Variants in AGBL4 observed in about 807,000 individuals in gnomAD.
AGBL4 encodes the protein cytosolic carboxypeptidase 6.
AGBL4 carries 58 observed loss-of-function variants against 66.4 expected under a neutral mutation model. The ratio of observed to expected loss-of-function variants is 0.87; its 90% CI spans 0.71 to 1.09. The LOEUF is 1.09. AGBL4 is among the 50% of genes least tolerant of loss of function. The pLI, the probability that AGBL4 is intolerant of heterozygous loss-of-function variation, is 0.00. For synonymous variants in AGBL4, 234 were observed against 222.9 expected (o/e 1.05, Z -0.44); for missense variants, 579 against 631.0 (o/e 0.92, Z 0.88).
At chr1:49,348,466 GA>G (rs1214879164) in intron 3 of AGBL4, among the ~76,000 whole-genome samples, 3 of 152,006 alleles carry the variant, frequency 2.0e-5, no homozygotes, top group Non-Finnish European at 2.9e-5. Context: ...ACGGAAATTA[GA>G]AAGCCAGAAG....
chr1:49,730,056 A>G lies in AGBL4; in HGVS notation c.158-32619T>C, dbSNP rs116684856. ...AACGCTGCCTCTTTCAAGGTTACCTACAGCTGGGGCCTCCTGATTCCAAAC... is the reference window on the plus strand; with the variant it reads ...AACGCTGCCTCTTTCAAGGTTACCTGCAGCTGGGGCCTCCTGATTCCAAAC... On this transcript the variant is annotated intron_variant, in intron 2 of 13. Coordinates refer to ENST00000371839, the MANE Select transcript of AGBL4 (RefSeq NM_032785.4). Among the ~76,000 whole-genome samples, 1,225 of 152,210 alleles carry G rather than the reference A, an allele frequency of 8.0e-3. 9 individuals carry two copies. Among genetic ancestry groups the G allele is most frequent in the Middle Eastern group, 0.031 (9 of 294 alleles).
chr1:49,465,529 T>G (rs911829105), intron 3 of AGBL4, among the ~76,000 whole-genome samples: 3 of 151,760 alleles, frequency 2.0e-5, no homozygotes, highest in African/African-American at 7.3e-5. Context: ...CTTTTATATA[T>G]CCCCAGTGCC....
intron 1 of AGBL4, among the ~76,000 whole-genome samples, chr1:49,957,657 T>C (rs901659568): frequency 4.6e-5 from 7 of 152,080 alleles, no homozygotes; most frequent in African/African-American, 1.7e-4. Flanking sequence ...TTAAAGTCTG[T>C]TTTATCAGAG....
intron 6 of AGBL4, among the ~76,000 whole-genome samples, chr1:48,735,808 C>T (rs1417065478): frequency 6.6e-6 from 1 of 151,996 alleles, no homozygotes; most frequent in African/African-American, 2.4e-5. Context: ...GCATTCCTTT[C>T]CCATCTCCAT....
chr1:48,727,705 C>T, intron 6 of AGBL4: 1 of 439,760 alleles, frequency 2.3e-6, no homozygotes, highest in Non-Finnish European at 3.9e-6. Context: ...TCCTGAGTCT[C>T]AGCAAAGCCA....
rs146716799 is a variant in AGBL4 at position 48,840,300 on chromosome 1, C to T, written c.634+26891G>A. Among the ~76,000 whole-genome samples, 23 of 152,218 alleles carry T rather than the reference C, an allele frequency of 1.5e-4. No homozygotes were observed. In the East Asian group the frequency reaches 4.1e-3, roughly 27 times the overall value. ...CAGAGATACCTCTGTGTGCCCGGTG[C>T]CTGACACAGAAGCTGGCATACAGTA... is the stretch of plus-strand genomic sequence containing the variant. On this transcript the variant is annotated intron_variant, in intron 6 of 13. Coordinates refer to ENST00000371839, the MANE Select transcript of AGBL4 (RefSeq NM_032785.4).
chr1:49,901,171 A>G (rs1571835381), intron 1 of AGBL4, among the ~76,000 whole-genome samples: 1 of 152,216 alleles, frequency 6.6e-6, no homozygotes, highest in East Asian at 1.9e-4. Flanking sequence ...TATTCACCAT[A>G]GTACTGGAAT....
At chr1:49,646,428 C>T (rs994231934) in intron 3 of AGBL4, among the ~76,000 whole-genome samples, 6 of 151,616 alleles carry the variant, frequency 4.0e-5, no homozygotes, top group Non-Finnish European at 8.9e-5. Context: ...TTAAAAAATG[C>T]CTATTACAAT....
intron 3 of AGBL4, among the ~76,000 whole-genome samples, chr1:49,503,528 G>A (rs1426117877): frequency 2.0e-5 from 3 of 152,112 alleles, no homozygotes; most frequent in Non-Finnish European, 4.4e-5. Flanking sequence ...AAAGCCACAG[G>A]TACTCAACAC....
chr1:49,693,404 T>C (rs939470732), intron 3 of AGBL4, among the ~76,000 whole-genome samples: 3 of 152,162 alleles, frequency 2.0e-5, no homozygotes, highest in Admixed American at 6.6e-5. Flanking sequence ...GCTATTAATA[T>C]TTTATAGCCA....
At chr1:49,207,582 C>CTTTCTT (rs1648320591) in intron 4 of AGBL4, among the ~76,000 whole-genome samples, 2 of 108,676 alleles carry the variant, frequency 1.8e-5, no homozygotes, top group African/African-American at 7.3e-5. Flanking sequence ...TTCTTTCTTT[C>CTTTCTT]TTTCTTTCTT....
chr1:48,893,291 C>G (rs1451565062), intron 5 of AGBL4, among the ~76,000 whole-genome samples: 2 of 152,020 alleles, frequency 1.3e-5, no homozygotes, highest in Non-Finnish European at 2.9e-5. Context: ...GTGTTGAACT[C>G]CTACCCTGCA....
intron 5 of AGBL4, among the ~76,000 whole-genome samples, chr1:49,006,793 C>G (rs61786052): frequency 0.06 from 5,810 of 96,452 alleles, no homozygotes; most frequent in Non-Finnish European, 0.08. Context: ...GCAGAGTATT[C>G]CAACAGACCT....
chr1:49,804,090 G>C (rs910605945), intron 2 of AGBL4, among the ~76,000 whole-genome samples: 1 of 152,132 alleles, frequency 6.6e-6, no homozygotes, highest in Non-Finnish European at 1.5e-5. Flanking sequence ...AAATGTGGCT[G>C]TTACAGCTTC....
chr1:48,665,188 A>T (rs1263108972), intron 6 of AGBL4, among the ~76,000 whole-genome samples: 1 of 152,196 alleles, frequency 6.6e-6, no homozygotes, highest in Non-Finnish European at 1.5e-5. Flanking sequence ...TTGAGAACTC[A>T]CTCTGCTCAG....
rs948339357 is a variant in AGBL4 at position 49,534,068 on chromosome 1, A to G, written c.282+163245T>C. Among the ~76,000 whole-genome samples the G allele has an allele frequency of 2.1e-5, 3 of 145,668 alleles. No individual in the cohort carries two copies. In the South Asian group the frequency reaches 6.4e-4, roughly 31 times the overall value. Reference sequence around the variant, plus strand: ...AAGTATAACCACCAATTGAATAAACATTTCTTGGACATCAACTAAAAAGCA... The same window carrying G: ...AAGTATAACCACCAATTGAATAAACGTTTCTTGGACATCAACTAAAAAGCA... On this transcript the variant is annotated intron_variant, in intron 3 of 13. Transcript: ENST00000371839.
chr1:49,186,061 T>C (rs1437363102), intron 4 of AGBL4, among the ~76,000 whole-genome samples: 5 of 152,040 alleles, frequency 3.3e-5, no homozygotes, highest in African/African-American at 1.2e-4. Flanking sequence ...AGTTCCCCGA[T>C]GCTCCACACC....
intron 3 of AGBL4, among the ~76,000 whole-genome samples, chr1:49,576,005 T>A (rs989226402): frequency 2.0e-5 from 3 of 152,218 alleles, no homozygotes; most frequent in Non-Finnish European, 2.9e-5. Context: ...GACATTTGCA[T>A]ACCAAATGAT....
intron 4 of AGBL4, chr1:49,187,654 C>T (rs974862250): frequency 6.6e-6 from 1 of 152,120 alleles, no homozygotes; most frequent in Admixed American, 6.6e-5. Flanking sequence ...GGATCCAAAA[C>T]ATTCTTCAGA....
Sources: allele counts gnomAD v4.1 joint callset (sites outside exome capture counted in the v4.1 genomes callset), GRCh38; gene constraint gnomAD v4.1.1; transcripts MANE v1.5; gene names NCBI Gene and HGNC (gene_info 2026-07-23, HGNC 2026-07-21).